The following WWC1 variants were observed in gnomAD, a reference collection of about 807,000 sequenced individuals.
WWC1 encodes protein KIBRA.
A neutral mutation model predicts 138.4 loss-of-function variants in WWC1; 55 were observed. That is an observed-to-expected ratio of 0.40 (90% CI 0.32 to 0.50). WWC1 has a LOEUF of 0.50. Among genes scored for constraint, WWC1 ranks in the 20% least tolerant of loss-of-function variants. The pLI is 0.72. For synonymous variants in WWC1, 524 were observed against 564.9 expected (o/e 0.93, Z 1.03); for missense variants, 1,226 against 1,420.4 (o/e 0.86, Z 2.20).
intron 1 of WWC1, among the ~76,000 whole-genome samples, chr5:168,327,469 A>G (rs1268317688): frequency 6.6e-6 from 1 of 152,240 alleles, no homozygotes; most frequent in East Asian, 1.9e-4. Context: ...TGTAAGGTAC[A>G]TTGTTTCATG....
intron 1 of WWC1, among the ~76,000 whole-genome samples, chr5:168,340,291 G>T (rs1773938286): frequency 6.6e-6 from 1 of 152,116 alleles, no homozygotes; most frequent in Non-Finnish European, 1.5e-5. Flanking sequence ...GGCCAGGCTG[G>T]TCTTGAACTC....
intron 2 of WWC1, among the ~76,000 whole-genome samples, chr5:168,380,177 G>A (rs961356905): frequency 1.3e-5 from 2 of 152,146 alleles, no homozygotes; most frequent in African/African-American, 4.8e-5. Context: ...TGGCACAGTC[G>A]CTCATGCCTG....
At chr5:168,429,054 G>A (rs1193091993) in intron 13 of WWC1, among the ~76,000 whole-genome samples, 2 of 152,120 alleles carry the variant, frequency 1.3e-5, no homozygotes, top group African/African-American at 4.8e-5. Context: ...TGAGCTGGCT[G>A]GTAGCAGAGC....
intron 1 of WWC1, among the ~76,000 whole-genome samples, chr5:168,340,031 C>CT (rs1277248885): frequency 1.4e-5 from 2 of 139,400 alleles, no homozygotes; most frequent in Non-Finnish European, 3.1e-5. Flanking sequence ...TCTTTCCTTT[C>CT]TTTCCTTTCT....
intron 2 of WWC1, 138 bp from the exon 3 acceptor site, chr5:168,385,073 A>G (rs1777936227): frequency 2.5e-6 from 2 of 802,424 alleles, no homozygotes; most frequent in East Asian, 5.4e-5. Flanking sequence ...TCATTTAGTA[A>G]ATGAGTTTGC....
intron 1 of WWC1, among the ~76,000 whole-genome samples, chr5:168,362,311 A>G (rs149231073): frequency 3.3e-4 from 50 of 152,300 alleles, no homozygotes; most frequent in Middle Eastern, 3.4e-3. Context: ...AGTGCTCAGT[A>G]TATGTGTTCT....
intron 15 of WWC1, among the ~76,000 whole-genome samples, chr5:168,440,709 G>GTT (rs1302319250): frequency 6.6e-6 from 1 of 152,240 alleles, no homozygotes; most frequent in African/African-American, 2.4e-5. Flanking sequence ...TAGAAATGGG[G>GTT]TTTCTCCATG....
At chr5:168,366,119 G>C (rs969575936) in intron 1 of WWC1, among the ~76,000 whole-genome samples, 1 of 152,208 alleles carries the variant, frequency 6.6e-6, no homozygotes, top group African/African-American at 2.4e-5. Context: ...GTTCCTGGGG[G>C]ACGGGGGGTG....
At chr5:168,449,104 A>G (rs1043123116) in intron 17 of WWC1, among the ~76,000 whole-genome samples, 5 of 152,172 alleles carry the variant, frequency 3.3e-5, no homozygotes, top group African/African-American at 9.7e-5. Context: ...TTCACTTCCC[A>G]CAGGGATATG....
At chr5:168,390,128 C>T (rs1459212256) in intron 3 of WWC1, among the ~76,000 whole-genome samples, 1 of 152,170 alleles carries the variant, frequency 6.6e-6, no homozygotes, top group Non-Finnish European at 1.5e-5. Flanking sequence ...AGTTATGCCA[C>T]TTCTGTGTCT....
At position 168,384,713 on chromosome 5, in the gene WWC1, C is replaced by CTTT. The variant is rs762052940; in HGVS notation, c.230-478_230-476dup. ...GTTTGGAAATTGATCCTGGTTTATTCTTTTTTTTTTTTTTTTTTTTTTCAG... is the reference window on the plus strand; with the variant it reads ...GTTTGGAAATTGATCCTGGTTTATTCTTTTTTTTTTTTTTTTTTTTTTTTTCAG... On this transcript the variant is annotated intron_variant, in intron 2 of 22. Transcript: ENST00000265293. Among the ~76,000 whole-genome samples the CTTT allele has an allele frequency of 7.2e-3, 714 of 99,570 alleles. 19 individuals carry two copies. The highest frequency in any genetic ancestry group is 0.021 in the African/African-American group (529 of 25,736). 65.3% of individuals were successfully genotyped at this position (99,570 alleles called of 152,430 possible). A position where few individuals can be genotyped will look rare whatever the true frequency, so the allele number is the denominator to read the frequency against.
At chr5:168,359,901 CACAAAAAGGG>C (rs1282242003) in intron 1 of WWC1, among the ~76,000 whole-genome samples, 3 of 152,096 alleles carry the variant, frequency 2.0e-5, no homozygotes, top group African/African-American at 7.2e-5. Flanking sequence ...TATAAAGACC[CACAAAAAGGG>C]ACTCAAAGCT....
At chr5:168,403,871 TACACACACAC>T (rs57788100) in intron 5 of WWC1, among the ~76,000 whole-genome samples, 19 of 134,366 alleles carry the variant, frequency 1.4e-4, no homozygotes, top group East Asian at 4.5e-4. Flanking sequence ...AACACATGCA[TACACACACAC>T]ACACACACAC....
intron 8 of WWC1, among the ~76,000 whole-genome samples, chr5:168,411,141 A>G (rs887315269): frequency 8.6e-5 from 13 of 151,764 alleles, no homozygotes; most frequent in Non-Finnish European, 1.3e-4. Context: ...GTTAGCCAGG[A>G]TGGTCTCAGT....
At chr5:168,351,889 G>A (rs1160108898) in intron 1 of WWC1, among the ~76,000 whole-genome samples, 1 of 152,114 alleles carries the variant, frequency 6.6e-6, no homozygotes, top group African/African-American at 2.4e-5. Flanking sequence ...TCTGCCTAGG[G>A]ACTGGCTGCT....
intron 2 of WWC1, 81 bp downstream of exon 2, chr5:168,371,614 GAACCA>G: frequency 1.0e-6 from 1 of 998,248 alleles, no homozygotes; most frequent in Non-Finnish European, 1.5e-6. Flanking sequence ...AAGTCTGGAA[GAACCA>G]CTTGCAGACT....
chr5:168,366,956 C>A (rs1776345242), intron 1 of WWC1, among the ~76,000 whole-genome samples: 1 of 151,664 alleles, frequency 6.6e-6, no homozygotes, highest in Non-Finnish European at 1.5e-5. Context: ...TGCCACCATG[C>A]CCAGCTAATT....
intron 15 of WWC1, among the ~76,000 whole-genome samples, chr5:168,435,292 G>T (rs753536234): frequency 6.6e-6 from 1 of 152,032 alleles, no homozygotes; most frequent in Non-Finnish European, 1.5e-5. Flanking sequence ...CCATTTTCTC[G>T]CAAGGACATT....
intron 1 of WWC1, among the ~76,000 whole-genome samples, chr5:168,347,296 C>A (rs568297334): frequency 1.2e-4 from 19 of 152,322 alleles, no homozygotes; most frequent in Admixed American, 7.2e-4. Flanking sequence ...CCAGGGCAGA[C>A]CTCAAGAAGG....
Sources: gnomAD v4.1 joint callset for allele counts (sites outside exome capture counted in the v4.1 genomes callset) on GRCh38, gnomAD v4.1.1 for gene constraint, MANE v1.5 for transcripts, NCBI Gene and HGNC (gene_info 2026-07-23, HGNC 2026-07-21) for gene names.